Variants in HNRNPM observed in about 807,000 individuals in gnomAD.
HNRNPM encodes heterogeneous nuclear ribonucleoprotein M.
Under a neutral mutation model 73.1 loss-of-function variants are expected in HNRNPM, and 11 were observed. That is an observed-to-expected ratio of 0.15 (90% confidence interval 0.09 to 0.25). The LOEUF is 0.25. HNRNPM is among the 10% of genes least tolerant of loss of function. The pLI is 1.00. For missense variants in HNRNPM, 789 were observed against 1,067.9 expected, an observed-to-expected ratio of 0.74 and a Z score of 3.64; for synonymous variants, 407 against 355.2, an observed-to-expected ratio of 1.15 and a Z score of -1.64.
At chr19:8,480,960 G>C (rs1236162721) in intron 12 of HNRNPM, among the ~76,000 whole-genome samples, 2 of 152,196 alleles carry the variant, frequency 1.3e-5, no homozygotes, top group Non-Finnish European at 2.9e-5. Flanking sequence ...GCTGTGATCA[G>C]ACCTACATGA....
rs201140748 is a variant in HNRNPM at position 8,455,558 on chromosome 19, C to T, written c.267C>T (p.Asp89=). ...PFDVKWQSLK[D]LVKEKVGEVT... ...ATGTGAAATGGCAGTCACTTAAAGACCTGGTTAAAGAAAAAGGTAATGGTA... is the reference window on the plus strand; with the variant it reads ...ATGTGAAATGGCAGTCACTTAAAGATCTGGTTAAAGAAAAAGGTAATGGTA... The change falls in exon 2 of 16, where the codon GAC becomes GAT. Residue 89 remains aspartate, a synonymous_variant. Coordinates refer to ENST00000325495, the MANE Select transcript of HNRNPM (RefSeq NM_005968.5). 1.9e-6 allele frequency: 3 copies of T among 1,613,164 alleles called. No individual in the cohort carries two copies. Among genetic ancestry groups the T allele is most frequent in the African/African-American group, 2.7e-5 (2 of 74,864 alleles).
At chr19:8,471,214 GGGGGTGGGTA>G in intron 9 of HNRNPM, 102 bp from the exon 10 acceptor site, 1 of 541,634 alleles carries the variant, frequency 1.8e-6, no homozygotes, top group Non-Finnish European at 3.3e-6. Context: ...ACTGGTGGGT[GGGGGTGGGTA>G]GGCTGAAGTG....
chr19:8,467,482 T>C, intron 7 of HNRNPM, 53 bp from the exon 8 acceptor site: 2 of 1,361,358 alleles, frequency 1.5e-6, no homozygotes, highest in East Asian at 4.6e-5. Context: ...TTTTTGTATT[T>C]CTCTTGTGCA....
chr19:8,485,638 A>G lies in HNRNPM; in HGVS notation c.1210A>G (p.Met404Val). Residue 404 changes from methionine to valine, a missense_variant, in exon 14 of 16, where the codon ATG becomes GTG. Around this residue, in one of 4 missense-constraint regions of HNRNPM, gnomAD observed 604 missense variants for 744.0 expected, o/e 0.81. Transcript: ENST00000325495. Reference protein sequence around the residue: ...GGGSVPGIERMGPGIDRLGGA... With the variant: ...GGGSVPGIERVGPGIDRLGGA... ...AGGAAGCGTCCCTGGGATCGAGAGG[A>G]TGGGTCCTGGCATTGACCGCCTCGG... 1.2e-6 allele frequency: 2 copies of G among 1,604,918 alleles called. No individual in the cohort carries two copies. Among genetic ancestry groups the G allele is most frequent in the South Asian group, 1.1e-5 (1 of 90,970 alleles).
intron 2 of HNRNPM, among the ~76,000 whole-genome samples, chr19:8,457,350 T>C (rs1040735972): frequency 2.0e-5 from 3 of 152,204 alleles, no homozygotes; most frequent in African/African-American, 7.2e-5. Context: ...TTTTGCACTC[T>C]TAAGTGTGGA....
chr19:8,453,245 G>A (rs1021990762), intron 1 of HNRNPM, among the ~76,000 whole-genome samples: 2 of 152,024 alleles, frequency 1.3e-5, no homozygotes, highest in African/African-American at 4.8e-5. Flanking sequence ...GGGTTCAAGC[G>A]ATTCTCCTGC....
rs1313217823 is a variant in HNRNPM, at chr19:8,462,310, G to C, written c.284-219G>C. ...GAAATCTGTGGAATAGCTTGTTTGT[G>C]GTGGGAGGAAAATCAAGGACATATT... On this transcript the variant is annotated intron_variant, in intron 2 of 15. Coordinates refer to ENST00000325495, the MANE Select transcript of HNRNPM (RefSeq NM_005968.5). The surrounding 1 kb of genome is among the most constrained non-coding windows in gnomAD (Gnocchi z 4.5). The C allele has an allele frequency of 1.9e-6, 1 of 513,192 alleles. No homozygotes were observed. Among genetic ancestry groups the C allele is most frequent in the Non-Finnish European group, 3.5e-6 (1 of 282,024 alleles). The allele number at this position is 513,192 out of a possible 1,614,324, so 31.8% of individuals were successfully genotyped here.
intron 14 of HNRNPM, among the ~76,000 whole-genome samples, chr19:8,486,802 C>T (rs544704116): frequency 2.8e-4 from 42 of 152,358 alleles, no homozygotes; most frequent in African/African-American, 9.4e-4. Flanking sequence ...CCATCCTGCA[C>T]GGTGCTCCCA....
chr19:8,463,276 C>T (rs1211462624), intron 3 of HNRNPM, among the ~76,000 whole-genome samples: 5 of 152,078 alleles, frequency 3.3e-5, no homozygotes, highest in South Asian at 2.1e-4. Flanking sequence ...ATGCTGGTAA[C>T]GCGTAGGAGA....
At chr19:8,471,301 A>C (rs1188738502) in intron 9 of HNRNPM, 25 bp from the exon 10 acceptor site, 1 of 1,457,268 alleles carries the variant, frequency 6.9e-7, no homozygotes, top group Non-Finnish European at 9.4e-7. Flanking sequence ...GGGGAAAACT[A>C]AGCTTCTTTC....
At position 8,465,344 on chromosome 19, in the gene HNRNPM, C is replaced by T. The variant is rs760799317; in HGVS notation, c.459C>T (p.Ala153=). ...TTTAGGATCCTGATGGTGAACATGCCAGGAGAGCAATGCAAAAGGTGATGG... is the reference window on the plus strand; with the variant it reads ...TTTAGGATCCTGATGGTGAACATGCTAGGAGAGCAATGCAAAAGGTGATGG... ...KVKEDPDGEH[A]RRAMQKVMAT... The change falls in exon 6 of 16, where the codon GCC becomes GCT. Residue 153 remains alanine, a synonymous_variant. Transcript: ENST00000325495. 3 of 1,609,440 alleles carry T rather than the reference C, an allele frequency of 1.9e-6. No individual in the cohort carries two copies. The East Asian group carries it at 6.7e-5, about 36-fold the overall frequency.
chr19:8,461,577 G>T (rs1726450383), intron 2 of HNRNPM, among the ~76,000 whole-genome samples: 2 of 152,178 alleles, frequency 1.3e-5, no homozygotes, highest in Admixed American at 6.5e-5. Flanking sequence ...TCTGGTCATG[G>T]TGGTCATGAA....
At chr19:8,477,294 C>CGAAAGGCTTATCAAGCAAGTGA (rs1365130677) in intron 12 of HNRNPM, among the ~76,000 whole-genome samples, 2 of 152,132 alleles carry the variant, frequency 1.3e-5, no homozygotes, top group Admixed American at 1.3e-4. Context: ...GTAGGAATCA[C>CGAAAGGCTTATCAAGCAAGTGA]GAAAGGCTTA....
intron 12 of HNRNPM, 101 bp downstream of exon 12, chr19:8,474,345 C>G (rs189646422): frequency 2.9e-6 from 2 of 679,654 alleles, no homozygotes; most frequent in African/African-American, 3.7e-5. Context: ...TGGTTTCTCA[C>G]TTCTGCTTTT....
intron 2 of HNRNPM, among the ~76,000 whole-genome samples, chr19:8,459,722 G>A (rs1341598293): frequency 1.3e-5 from 2 of 152,168 alleles, no homozygotes; most frequent in East Asian, 3.9e-4. Context: ...GGTCTGTGCA[G>A]GAGAGTGAGG....
intron 15 of HNRNPM, 198 bp from the exon 16 acceptor site, chr19:8,488,493 A>T (rs1271551719): frequency 2.2e-6 from 1 of 463,322 alleles, no homozygotes; most frequent in Non-Finnish European, 3.8e-6. Context: ...TCCGCCAGGA[A>T]GGCTTTTCAT....
chr19:8,463,563 C>T (rs376741036), intron 4 of HNRNPM, 30 bp from the exon 5 acceptor site: 1 of 1,612,232 alleles, frequency 6.2e-7, no homozygotes, highest in Non-Finnish European at 8.5e-7. Flanking sequence ...GGACTGGTTT[C>T]ACTCGACTCG....
chr19:8,471,381 C>T lies in HNRNPM; in HGVS notation c.951C>T (p.Ala317=). ...GLGPGGQPID[A]NHLNKGIGMG... ...GACCAGGAGGGCAACCCATTGATGC[C>T]AATCACCTGAATAAAGGCATCGGAA... The change falls in exon 10 of 16, where the codon GCC becomes GCT. Residue 317 remains alanine (A), a synonymous_variant. Transcript: ENST00000325495. 6.2e-7 allele frequency: 1 copy of T among 1,608,316 alleles called. No homozygotes were observed. The highest frequency in any genetic ancestry group is 1.1e-5 in the South Asian group (1 of 90,104).
chr19:8,452,583 G>A (rs1169551576), intron 1 of HNRNPM, among the ~76,000 whole-genome samples: 1 of 152,178 alleles, frequency 6.6e-6, no homozygotes, highest in Non-Finnish European at 1.5e-5. Context: ...CAGTCTTGTG[G>A]ACTCAGGTAG....
Sources: gnomAD v4.1 joint callset for allele counts (sites outside exome capture counted in the v4.1 genomes callset) on GRCh38, gnomAD v4.1.1 for gene constraint, gnomAD v4.1.1 regional missense constraint, Gnocchi (gnomAD v3.1) non-coding constraint, MANE v1.5 for transcripts, NCBI Gene and HGNC (gene_info 2026-07-23, HGNC 2026-07-21) for gene names.